Variants in ATXN10 observed in about 807,000 individuals in gnomAD.
ATXN10 encodes the protein ataxin 10.
ATXN10 carries 28 observed loss-of-function variants against 52.9 expected under a neutral mutation model. The ratio of observed to expected loss-of-function variants is 0.53; its 90% CI spans 0.39 to 0.73. The LOEUF (loss-of-function observed/expected upper bound fraction) is 0.73, where lower values mean the gene tolerates loss of function less well. ATXN10 is among the 30% of genes least tolerant of loss of function. The pLI, the probability that ATXN10 is intolerant of heterozygous loss-of-function variation, is 0.00. For synonymous variants in ATXN10, 226 were observed against 221.5 expected (o/e 1.02, Z -0.18); for missense variants, 565 against 577.0 (o/e 0.98, Z 0.21).
rs1184966712 is a variant in ATXN10 at position 45,820,078 on chromosome 22, T to C, written c.1237+13056T>C. ...GGGCTGTTTTATTTTGAGATGATCA[T>C]TTCTATCAGGATCAGGAAGTGTTCT... On this transcript the variant is annotated intron_variant, in intron 10 of 11. Coordinates refer to ENST00000252934, the MANE Select transcript of ATXN10 (RefSeq NM_013236.4). The surrounding 1 kb of genome is among the most constrained non-coding windows in gnomAD (Gnocchi z 4.9). Among the ~76,000 whole-genome samples the C allele has an allele frequency of 6.6e-6, 1 of 152,232 alleles. No individual in the cohort carries two copies. Among genetic ancestry groups the C allele is most frequent in the African/African-American group, 2.4e-5 (1 of 41,456 alleles).
chr22:45,740,705 CA>C, intron 9 of ATXN10, 167 bp downstream of exon 9: 1 of 420,534 alleles, frequency 2.4e-6, no homozygotes, highest in Non-Finnish European at 4.3e-6. Flanking sequence ...CACACACACA[CA>C]CACACACACA....
At chr22:45,834,419 G>A (rs1223247133) in intron 10 of ATXN10, among the ~76,000 whole-genome samples, 7 of 152,216 alleles carry the variant, frequency 4.6e-5, no homozygotes, top group Admixed American at 3.3e-4. Flanking sequence ...CATCTGGGCA[G>A]TGAAGCTCTG....
chr22:45,691,633 C>T (rs983778374), intron 2 of ATXN10, among the ~76,000 whole-genome samples: 3 of 152,242 alleles, frequency 2.0e-5, no homozygotes, highest in Non-Finnish European at 4.4e-5. Flanking sequence ...CGGTGGCTCA[C>T]GCCTGTAATC....
chr22:45,731,280 G>A (rs1193650324), intron 7 of ATXN10, among the ~76,000 whole-genome samples: 1 of 152,206 alleles, frequency 6.6e-6, no homozygotes, highest in Non-Finnish European at 1.5e-5. Context: ...TCTGTAGCAG[G>A]CCAGATATAT....
At chr22:45,799,562 A>G (rs1287817231) in intron 9 of ATXN10, among the ~76,000 whole-genome samples, 1 of 152,212 alleles carries the variant, frequency 6.6e-6, no homozygotes, top group Non-Finnish European at 1.5e-5. Context: ...AGGACACCAA[A>G]GTTTGCCAGC....
At chr22:45,793,471 C>A in intron 9 of ATXN10, 1 of 863,270 alleles carries the variant, frequency 1.2e-6, no homozygotes, top group Non-Finnish European at 1.5e-6. Flanking sequence ...GGTCTTATTC[C>A]ATTTAATAAA....
At chr22:45,682,954 A>T (rs1192133646) in intron 1 of ATXN10, among the ~76,000 whole-genome samples, 1 of 152,090 alleles carries the variant, frequency 6.6e-6, no homozygotes, top group African/African-American at 2.4e-5. Flanking sequence ...TCCCTTTAAG[A>T]TTGATTCTTT....
Position 45,696,077 on chromosome 22 carries a change from T to G in ATXN10, c.391+2999T>G, listed in dbSNP as rs1382816603. Among the ~76,000 whole-genome samples, 1 of 152,242 alleles carries G rather than the reference T, an allele frequency of 6.6e-6. No homozygotes were observed. The highest frequency in any genetic ancestry group is 1.9e-4 in the East Asian group (1 of 5,204). On this transcript the variant is annotated intron_variant, in intron 3 of 11. Transcript: ENST00000252934. This position sits in a 1 kb window ranked among gnomAD's most constrained non-coding sequence, Gnocchi z 4.7. Reference sequence around the variant, plus strand: ...TTTACAGACAAAGTGCATCACCATGTTTTTTTGAGCATCAGTTTTTAAAAT... The same window carrying G: ...TTTACAGACAAAGTGCATCACCATGGTTTTTTGAGCATCAGTTTTTAAAAT...
At chr22:45,717,481 T>C (rs1431584118) in intron 5 of ATXN10, among the ~76,000 whole-genome samples, 2 of 152,220 alleles carry the variant, frequency 1.3e-5, no homozygotes, top group Non-Finnish European at 2.9e-5. Flanking sequence ...TTGATAGGAA[T>C]ACTGTTTGAG....
At position 45,712,488 on chromosome 22, in the gene ATXN10, C is replaced by T. The variant is rs1313743637; in HGVS notation, c.648-5925C>T. ...TACCTTGATACTGAAGGGTAGACAGCGTAGCCAGTGTCACACTGCCAGTGA... is the reference window on the plus strand; with the variant it reads ...TACCTTGATACTGAAGGGTAGACAGTGTAGCCAGTGTCACACTGCCAGTGA... On this transcript the variant is annotated intron_variant, in intron 5 of 11. Coordinates refer to ENST00000252934, the MANE Select transcript of ATXN10 (RefSeq NM_013236.4). This position sits in a 1 kb window ranked among gnomAD's most constrained non-coding sequence, Gnocchi z 4.6. Among the ~76,000 whole-genome samples, 2 of 152,176 alleles carry T rather than the reference C, an allele frequency of 1.3e-5. No homozygotes were observed. The highest frequency in any genetic ancestry group is 2.4e-5 in the African/African-American group (1 of 41,440).
At chr22:45,674,637 T>C (rs1922609139) in intron 1 of ATXN10, 1 of 152,084 alleles carries the variant, frequency 6.6e-6, no homozygotes, top group Admixed American at 6.5e-5. Context: ...GGAACACAGA[T>C]GGATCCAGGG....
intron 9 of ATXN10, among the ~76,000 whole-genome samples, chr22:45,796,376 G>A (rs1003345611): frequency 2.6e-5 from 4 of 152,086 alleles, no homozygotes; most frequent in Non-Finnish European, 5.9e-5. Flanking sequence ...TTCTAGTTTC[G>A]CCCTGGCCTT....
At position 45,766,195 on chromosome 22, in the gene ATXN10, A is replaced by G. The variant is rs371729436; in HGVS notation, c.1173+25657A>G. On this transcript the variant is annotated intron_variant, in intron 9 of 11. Coordinates refer to ENST00000252934, the MANE Select transcript of ATXN10 (RefSeq NM_013236.4). This position sits in a 1 kb window ranked among gnomAD's most constrained non-coding sequence, Gnocchi z 4.6. ...GCTACCTTTAGATCAGGGGTTCCCC[A>G]ATCCCTGGTCCGTGGACTGGTACTG... Among the ~76,000 whole-genome samples, 2 of 152,224 alleles carry G rather than the reference A, an allele frequency of 1.3e-5. No individual in the cohort carries two copies. Among genetic ancestry groups the G allele is most frequent in the East Asian group, 3.8e-4 (2 of 5,204 alleles).
rs2146821021 is a variant in ATXN10, at chr22:45,754,163, G to A, written c.1173+13625G>A. 6.6e-6 allele frequency among the ~76,000 whole-genome samples: 1 copy of A among 152,360 alleles called. No homozygotes were observed. Among genetic ancestry groups the A allele is most frequent in the South Asian group, 2.1e-4 (1 of 4,832 alleles). Reference sequence around the variant, plus strand: ...CTGTCAGCTAAGCAGGAGCTGCTGAGAGACGACCCACGGAGGTGGGCTCCA... The same window carrying A: ...CTGTCAGCTAAGCAGGAGCTGCTGAAAGACGACCCACGGAGGTGGGCTCCA... On this transcript the variant is annotated intron_variant, in intron 9 of 11. Transcript: ENST00000252934. This position sits in a 1 kb window ranked among gnomAD's most constrained non-coding sequence, Gnocchi z 5.4.
In ATXN10 at chr22:45,825,243, C is replaced by T. The variant is rs1027248800; in HGVS notation, c.1238-17748C>T. ...AGACCATTATTGTTGCATCTGCCCCCATTGTTGTAAGTCCTTCCACCTCTG... is the reference window on the plus strand; with the variant it reads ...AGACCATTATTGTTGCATCTGCCCCTATTGTTGTAAGTCCTTCCACCTCTG... On this transcript the variant is annotated intron_variant, in intron 10 of 11. Transcript: ENST00000252934. This position sits in a 1 kb window ranked among gnomAD's most constrained non-coding sequence, Gnocchi z 4.5. Among the ~76,000 whole-genome samples the T allele has an allele frequency of 2.0e-5, 3 of 152,186 alleles. No individual in the cohort carries two copies. The highest frequency in any genetic ancestry group is 6.5e-5 in the Admixed American group (1 of 15,284).
intron 3 of ATXN10, among the ~76,000 whole-genome samples, chr22:45,697,722 T>TG (rs1057484562): frequency 2.6e-5 from 4 of 152,154 alleles, no homozygotes; most frequent in African/African-American, 9.6e-5. Context: ...CTCCGCCCCC[T>TG]GGGGTTCACG....
intron 7 of ATXN10, 38 bp from the exon 8 acceptor site, chr22:45,738,692 TA>T: frequency 6.6e-7 from 1 of 1,507,460 alleles, no homozygotes; most frequent in Non-Finnish European, 9.2e-7. Context: ...TAATTTCTCT[TA>T]AAATATGCTA....
rs1028621979 is a variant in ATXN10 at position 45,754,158 on chromosome 22, G to A, written c.1173+13620G>A. On this transcript the variant is annotated intron_variant, in intron 9 of 11. Coordinates refer to ENST00000252934, the MANE Select transcript of ATXN10 (RefSeq NM_013236.4). This position sits in a 1 kb window ranked among gnomAD's most constrained non-coding sequence, Gnocchi z 5.4. Reference sequence around the variant, plus strand: ...GAGTCCTGTCAGCTAAGCAGGAGCTGCTGAGAGACGACCCACGGAGGTGGG... The same window carrying A: ...GAGTCCTGTCAGCTAAGCAGGAGCTACTGAGAGACGACCCACGGAGGTGGG... Among the ~76,000 whole-genome samples, 2 of 152,242 alleles carry A rather than the reference G, an allele frequency of 1.3e-5. No homozygotes were observed. The highest frequency in any genetic ancestry group is 4.8e-5 in the African/African-American group (2 of 41,468).
chr22:45,704,609 G>A (rs1280725411), intron 5 of ATXN10, among the ~76,000 whole-genome samples: 2 of 152,000 alleles, frequency 1.3e-5, no homozygotes, highest in African/African-American at 4.8e-5. Flanking sequence ...ACTGATTTTT[G>A]TATATTAATC....
Sources: allele counts gnomAD v4.1 joint callset (sites outside exome capture counted in the v4.1 genomes callset), GRCh38; gene constraint gnomAD v4.1.1; non-coding constraint Gnocchi (gnomAD v3.1); transcripts MANE v1.5; gene names NCBI Gene and HGNC (gene_info 2026-07-23, HGNC 2026-07-21).